The following HDX variants were observed in gnomAD, a reference collection of about 807,000 sequenced individuals.
HDX encodes highly divergent homeobox, also known as chromosome X open reading frame 43.
HDX carries 19 observed loss-of-function variants against 45.2 expected under a neutral mutation model. The observed-to-expected ratio is 0.42, with a 90% CI of 0.29 to 0.62. The LOEUF (loss-of-function observed/expected upper bound fraction) is 0.62. Among genes scored for constraint, HDX ranks in the 20% least tolerant of loss-of-function variants. The pLI is 0.20. For synonymous variants in HDX, 188 were observed against 172.8 expected (o/e 1.09, Z -0.69); for missense variants, 532 against 493.9 (o/e 1.08, Z -0.73).
chrX:84,366,824 C>G (rs1272977390), intron 5 of HDX, among the ~76,000 whole-genome samples: 3 of 111,932 alleles, frequency 2.7e-5, no homozygotes, highest in Non-Finnish European at 3.8e-5. Context: ...GGATCCCTTC[C>G]TTACACCTTA....
intron 4 of HDX, among the ~76,000 whole-genome samples, chrX:84,466,553 TAAATA>T (rs2040356199): frequency 8.9e-6 from 1 of 112,071 alleles, no homozygotes; most frequent in Non-Finnish European, 1.9e-5. Flanking sequence ...TTTGTTGCAA[TAAATA>T]AAATAAAAGC....
intron 6 of HDX, among the ~76,000 whole-genome samples, chrX:84,349,805 A>T (rs2037298776): frequency 9.2e-6 from 1 of 108,740 alleles, no homozygotes; most frequent in Admixed American, 1.0e-4. Flanking sequence ...TAAGTGAAAT[A>T]ACTCAAACAG....
intron 4 of HDX, among the ~76,000 whole-genome samples, chrX:84,458,829 T>C (rs767114252): frequency 9.0e-6 from 1 of 111,335 alleles, no homozygotes; most frequent in East Asian, 2.8e-4. Flanking sequence ...CTATGAAAGG[T>C]CAGAATTCAA....
chrX:84,377,476 T>C (rs968793926), intron 5 of HDX, among the ~76,000 whole-genome samples: 2 of 111,580 alleles, frequency 1.8e-5, no homozygotes, highest in Non-Finnish European at 3.8e-5. Flanking sequence ...AGTAGCTATG[T>C]TGAGGAAAAA....
At chrX:84,349,247 G>A (rs1188290374) in intron 6 of HDX, among the ~76,000 whole-genome samples, 2 of 110,501 alleles carry the variant, frequency 1.8e-5, no homozygotes, top group Non-Finnish European at 3.8e-5. Flanking sequence ...TCACTTATCT[G>A]TCATATCTAA....
chrX:84,497,050 T>C (rs945744676), intron 1 of HDX, among the ~76,000 whole-genome samples: 1 of 111,551 alleles, frequency 9.0e-6, no homozygotes, highest in African/African-American at 3.3e-5. Context: ...GTTTGGCAGT[T>C]CCCACCTCGC....
intron 4 of HDX, among the ~76,000 whole-genome samples, chrX:84,454,834 G>C (rs5968328): frequency 0.035 from 3,845 of 111,008 alleles, 125 homozygotes; most frequent in African/African-American, 0.11. Flanking sequence ...AGGGATGCTT[G>C]TGTCATCCCT....
intron 5 of HDX, among the ~76,000 whole-genome samples, chrX:84,382,601 C>G (rs1273627687): frequency 9.0e-6 from 1 of 111,396 alleles, no homozygotes; most frequent in Admixed American, 9.6e-5. Context: ...CACAGAAAGA[C>G]AAATATCACA....
intron 5 of HDX, among the ~76,000 whole-genome samples, chrX:84,372,975 G>A (rs1403902311): frequency 8.9e-6 from 1 of 111,904 alleles, no homozygotes. Context: ...AACTGATAGT[G>A]TTAAGATAAT....
At chrX:84,331,300 A>G (rs1408833562) in intron 9 of HDX, among the ~76,000 whole-genome samples, 3 of 111,945 alleles carry the variant, frequency 2.7e-5, no homozygotes, top group Non-Finnish European at 5.7e-5. Flanking sequence ...AATAATTATC[A>G]AATGCACCAT....
intron 5 of HDX, among the ~76,000 whole-genome samples, chrX:84,396,369 G>A (rs1007657664): frequency 8.9e-6 from 1 of 112,250 alleles, no homozygotes; most frequent in Non-Finnish European, 1.9e-5. Context: ...TTAGTGTGCA[G>A]TTATTACTGG....
chrX:84,477,557 C>A (rs2040581512), intron 2 of HDX, among the ~76,000 whole-genome samples: 1 of 111,036 alleles, frequency 9.0e-6, no homozygotes, highest in Admixed American at 9.6e-5. Flanking sequence ...GCAGCAAGGC[C>A]ACTTTGCTCA....
At position 84,468,809 on chromosome X, in the gene HDX, T is replaced by A. The variant is rs773430171; in HGVS notation, c.914A>T (p.Asp305Val). The A allele has an allele frequency of 8.3e-7, 1 of 1,211,266 alleles. No homozygotes were observed. Among genetic ancestry groups the A allele is most frequent in the Non-Finnish European group, 1.1e-6 (1 of 895,024 alleles). ...SIAMETGDAE[D>V]EYAREEELAS... ...CAGCTCTTCCTCTCTGGCATATTCATCCTCAGCATCTCCAGTCTCCATTGC... is the reference window on the plus strand; with the variant it reads ...CAGCTCTTCCTCTCTGGCATATTCAACCTCAGCATCTCCAGTCTCCATTGC... Residue 305 changes from aspartate to valine, a missense_variant, in exon 4 of 11, where the codon GAT (aspartate) becomes GTT (valine). Transcript: ENST00000373177.
At chrX:84,431,092 T>G (rs772699616) in intron 5 of HDX, among the ~76,000 whole-genome samples, 1 of 111,081 alleles carries the variant, frequency 9.0e-6, no homozygotes, top group African/African-American at 3.3e-5. Context: ...GATGTTTAGT[T>G]TTCACTTGTA....
At chrX:84,470,397 T>C (rs1404722354) in intron 3 of HDX, among the ~76,000 whole-genome samples, 1 of 111,850 alleles carries the variant, frequency 8.9e-6, no homozygotes, top group Admixed American at 9.5e-5. Flanking sequence ...GGTTACAATA[T>C]TACTTTCATA....
chrX:84,406,541 G>GTTTC (rs200829424), intron 5 of HDX, among the ~76,000 whole-genome samples: 1 of 104,600 alleles, frequency 9.6e-6, no homozygotes, highest in Non-Finnish European at 2.0e-5. Flanking sequence ...CACACTCTAT[G>GTTTC]TATCTATCTA....
intron 2 of HDX, among the ~76,000 whole-genome samples, chrX:84,482,209 T>A (rs1602538843): frequency 9.0e-6 from 1 of 111,662 alleles, no homozygotes; most frequent in African/African-American, 3.3e-5. Context: ...ATAAAACAAT[T>A]TTTTTTCGTT....
intron 5 of HDX, among the ~76,000 whole-genome samples, chrX:84,380,768 T>A (rs1358530328): frequency 9.0e-6 from 1 of 110,926 alleles, no homozygotes; most frequent in Non-Finnish European, 1.9e-5. Flanking sequence ...CAGTATCATA[T>A]TGAACGGGAA....
rs889017851 is a variant in HDX at position 84,319,127 on chromosome X, G to T, written c.*2762C>A. 3 of 110,736 alleles carry T rather than the reference G, an allele frequency of 2.7e-5. No individual in the cohort carries two copies. Among genetic ancestry groups the T allele is most frequent in the Non-Finnish European group, 5.7e-5 (3 of 52,429 alleles). 9.1% of individuals were successfully genotyped at this position (110,736 alleles called of 1,213,427 possible). On this transcript the variant is annotated 3_prime_UTR_variant, in exon 11 of 11. Transcript: ENST00000373177. ...TAGAAATGTAGTTGAAAGAAAAAAA[G>T]AAGTTTTTTCTTGTTGTTGTTTTTT... is the stretch of plus-strand genomic sequence containing the variant.
Sources: allele counts gnomAD v4.1 joint callset (sites outside exome capture counted in the v4.1 genomes callset), GRCh38; gene constraint gnomAD v4.1.1; transcripts MANE v1.5; gene names NCBI Gene and HGNC (gene_info 2026-07-23, HGNC 2026-07-21).